The following LATS2 variants were observed in gnomAD, a reference collection of about 807,000 sequenced individuals.
LATS2 encodes large tumor suppressor kinase 2, also known as serine/threonine-protein kinase LATS2.
LATS2 carries 24 observed loss-of-function variants against 76.0 expected under a neutral mutation model. That is an observed-to-expected ratio of 0.32 (90% confidence interval 0.23 to 0.44). LATS2 has a LOEUF of 0.44. Among genes scored for constraint, LATS2 ranks in the 20% least tolerant of loss-of-function variants. LATS2 has a pLI of 1.00. For synonymous variants in LATS2, 692 were observed against 635.4 expected, an observed-to-expected ratio of 1.09 and a Z score of -1.34; for missense variants, 1,286 against 1,481.2, an observed-to-expected ratio of 0.87 and a Z score of 2.16.
chr13:20,981,949 A>G (rs1869909207), intron 5 of LATS2, among the ~76,000 whole-genome samples: 1 of 152,250 alleles, frequency 6.6e-6, no homozygotes, highest in Non-Finnish European at 1.5e-5. Flanking sequence ...AGAGGCTGGA[A>G]GAACTGCGGG....
chr13:21,045,588 C>G (rs1873040829), intron 2 of LATS2, 97 bp downstream of exon 2: 2 of 875,090 alleles, frequency 2.3e-6, no homozygotes, highest in Non-Finnish European at 1.7e-6. Context: ...TAAGTAGTAA[C>G]CAATTCAAAG....
intron 2 of LATS2, among the ~76,000 whole-genome samples, chr13:21,016,697 G>A (rs558600757): frequency 1.1e-4 from 16 of 152,274 alleles, no homozygotes; most frequent in Admixed American, 1.3e-4. Context: ...ATACCAAGGC[G>A]CCAAGAGCAG....
intron 2 of LATS2, among the ~76,000 whole-genome samples, chr13:21,012,460 C>T (rs933391962): frequency 6.6e-6 from 1 of 152,190 alleles, no homozygotes; most frequent in Non-Finnish European, 1.5e-5. Flanking sequence ...TTTCCAGCTC[C>T]ATCACAATCT....
At chr13:21,046,672 C>A (rs527421271) in intron 1 of LATS2, among the ~76,000 whole-genome samples, 7 of 152,312 alleles carry the variant, frequency 4.6e-5, no homozygotes, top group South Asian at 2.1e-4. Flanking sequence ...CCTCTCCCCC[C>A]TCACATGAGA....
chr13:20,981,383 T>G, intron 6 of LATS2, 83 bp downstream of exon 6: 1 of 1,321,344 alleles, frequency 7.6e-7, no homozygotes. Context: ...ATTAGGTCCT[T>G]GGAAAGCTAG....
At chr13:21,054,597 A>G (rs1873388364) in intron 1 of LATS2, among the ~76,000 whole-genome samples, 1 of 152,150 alleles carries the variant, frequency 6.6e-6, no homozygotes, top group Non-Finnish European at 1.5e-5. Context: ...ACGCTCCTAG[A>G]GACACTTGGG....
chr13:21,030,921 TCA>T (rs1437275109), intron 2 of LATS2, among the ~76,000 whole-genome samples: 1 of 152,062 alleles, frequency 6.6e-6, no homozygotes, highest in African/African-American at 2.4e-5. Flanking sequence ...ACAAATTTTC[TCA>T]GATTTTTGTT....
intron 2 of LATS2, among the ~76,000 whole-genome samples, chr13:21,020,726 C>A (rs1282396226): frequency 1.3e-5 from 2 of 152,088 alleles, no homozygotes; most frequent in East Asian, 3.9e-4. Context: ...TGGCTTTTTT[C>A]CACTAGGAAG....
At chr13:20,980,812 G>A (rs1301179933) in intron 6 of LATS2, among the ~76,000 whole-genome samples, 1 of 152,222 alleles carries the variant, frequency 6.6e-6, no homozygotes, top group Admixed American at 6.5e-5. Flanking sequence ...TAAACAACAT[G>A]TGATGGCAGG....
At chr13:20,987,815 C>T in intron 4 of LATS2, 66 bp downstream of exon 4, 9 of 1,540,554 alleles carry the variant, frequency 5.8e-6, no homozygotes, top group Non-Finnish European at 7.1e-6. Context: ...AGGGATTGTG[C>T]GTGCTTCCTA....
At chr13:20,975,475 G>A in intron 7 of LATS2, 111 bp from the exon 8 acceptor site, 1 of 1,151,994 alleles carries the variant, frequency 8.7e-7, no homozygotes, top group South Asian at 1.6e-5. Flanking sequence ...AATAGGAGAG[G>A]AGTTAGAATA....
intron 2 of LATS2, among the ~76,000 whole-genome samples, chr13:20,993,086 C>A (rs1184579739): frequency 6.6e-6 from 1 of 150,692 alleles, no homozygotes; most frequent in African/African-American, 2.4e-5. Flanking sequence ...TACAGAAAGA[C>A]CCCGGACAGT....
chr13:20,987,151 C>T (rs1475440193), intron 4 of LATS2, among the ~76,000 whole-genome samples: 4 of 152,044 alleles, frequency 2.6e-5, no homozygotes, highest in African/African-American at 4.8e-5. Flanking sequence ...GCCAAGATCG[C>T]GCCATTGCGC....
chr13:20,977,988 TCACTGCAAC>T (rs1869703408), intron 7 of LATS2, among the ~76,000 whole-genome samples: 1 of 152,130 alleles, frequency 6.6e-6, no homozygotes, highest in Admixed American at 6.5e-5. Context: ...TGATCTCGGC[TCACTGCAAC>T]CTCTGCCTCC....
intron 2 of LATS2, among the ~76,000 whole-genome samples, chr13:21,024,107 A>G (rs1000137005): frequency 3.3e-5 from 5 of 151,196 alleles, no homozygotes; most frequent in Non-Finnish European, 5.9e-5. Flanking sequence ...AAAAAAAAAA[A>G]AAAAAAAAGA....
intron 2 of LATS2, among the ~76,000 whole-genome samples, chr13:21,045,321 T>A (rs777425651): frequency 2.9e-4 from 44 of 151,646 alleles, no homozygotes; most frequent in Middle Eastern, 3.4e-3. Context: ...GGGAAGCCAG[T>A]CTCTTTCCAC....
At chr13:21,059,073 T>C (rs963832859) in intron 1 of LATS2, among the ~76,000 whole-genome samples, 1 of 152,242 alleles carries the variant, frequency 6.6e-6, no homozygotes, top group Non-Finnish European at 1.5e-5. Context: ...GTTAAAATTT[T>C]AAGCAAAACA....
chr13:21,047,400 A>C (rs1305272925), intron 1 of LATS2, among the ~76,000 whole-genome samples: 1 of 152,190 alleles, frequency 6.6e-6, no homozygotes, highest in Non-Finnish European at 1.5e-5. Context: ...ATGAATGTTT[A>C]TATAACCAGC....
intron 2 of LATS2, among the ~76,000 whole-genome samples, chr13:21,041,777 AG>A (rs1014537105): frequency 1.1e-4 from 17 of 152,158 alleles, no homozygotes; most frequent in African/African-American, 3.9e-4. Context: ...TAAGGGGTCC[AG>A]GGGGCCATGG....
Sources: allele counts gnomAD v4.1 joint callset (sites outside exome capture counted in the v4.1 genomes callset), GRCh38; gene constraint gnomAD v4.1.1; transcripts MANE v1.5; gene names NCBI Gene and HGNC (gene_info 2026-07-23, HGNC 2026-07-21).